The following OCRL variants were observed in gnomAD, a reference collection of about 807,000 sequenced individuals.
OCRL encodes the protein OCRL inositol polyphosphate-5-phosphatase, also known as inositol polyphosphate 5-phosphatase OCRL.
OCRL carries 8 observed loss-of-function variants against 78.9 expected under a neutral mutation model. That is an observed-to-expected ratio of 0.10 (90% CI 0.06 to 0.18). The LOEUF (loss-of-function observed/expected upper bound fraction) is 0.18, where lower values mean the gene tolerates loss of function less well. Among genes scored for constraint, OCRL ranks in the 10% least tolerant of loss-of-function variants. The pLI, the probability that OCRL is intolerant of heterozygous loss-of-function variation, is 1.00. For synonymous variants in OCRL, 240 were observed against 235.4 expected (o/e 1.02, Z -0.18); for missense variants, 454 against 696.7 (o/e 0.65, Z 3.92).
At position 129,562,478 on chromosome X, in the gene OCRL, G is replaced by C; in HGVS notation, c.1034G>C (p.Gly345Ala). The C allele has an allele frequency of 8.3e-7, 1 of 1,205,330 alleles. No homozygotes were observed. Among genetic ancestry groups the C allele is most frequent in the Non-Finnish European group, 1.1e-6 (1 of 889,569 alleles). Residue 345 changes from glycine (G) to alanine (A), a missense_variant, in exon 11 of 24, where the codon GGA (glycine) becomes GCA (alanine). Physicochemically the swap from Gly to Ala is moderately conservative, Grantham distance 60. Transcript: ENST00000371113. ...CGTGATATTGCTACAGAAACAGTTG[G>C]AACTGGAATCATGGGGAAAATGGTG... ...YIRDIATETVGTGIMGKMGNK... is the reference protein window; with the variant it reads ...YIRDIATETVATGIMGKMGNK...
Position 129,562,798 on chromosome X carries a change from A to G in OCRL, c.1244+12A>G. ...ATCATGAAACATGAGTAAGTGGTTA[A>G]CTCACCTGTAGCCTTTGAGTAGTGG... On this transcript the variant is annotated intron_variant, in intron 12 of 23. Transcript: ENST00000371113. 1 of 1,203,303 alleles carries G rather than the reference A, an allele frequency of 8.3e-7. No individual in the cohort carries two copies. The highest frequency in any genetic ancestry group is 1.7e-5 in the African/African-American group (1 of 57,578).
chrX:129,577,435 G>T (rs1162134698), intron 18 of OCRL, among the ~76,000 whole-genome samples: 1 of 112,236 alleles, frequency 8.9e-6, no homozygotes, highest in East Asian at 2.8e-4. Context: ...TTGTTGGATT[G>T]TATGCAGAAT....
At chrX:129,570,293 G>A (rs1288657248) in intron 15 of OCRL, among the ~76,000 whole-genome samples, 2 of 111,805 alleles carry the variant, frequency 1.8e-5, no homozygotes, top group Non-Finnish European at 3.8e-5. Flanking sequence ...ATTTGCATCC[G>A]AGTTCAACCA....
Position 129,590,581 on chromosome X carries a change from A to G in OCRL, c.*311A>G. The G allele has an allele frequency of 7.0e-6, 2 of 284,563 alleles. No homozygotes were observed. Among genetic ancestry groups the G allele is most frequent in the East Asian group, 8.5e-5 (1 of 11,798 alleles). 23.5% of individuals were successfully genotyped at this position (284,563 alleles called of 1,213,427 possible). The stretch of plus-strand genomic sequence containing the variant: ...TTTGTTGCCCTCCTACCCAATTGTC[A>G]TGATTGTCCTTAGTACCCTAGGCCT... On this transcript the variant is annotated 3_prime_UTR_variant, in exon 24 of 24. Transcript: ENST00000371113.
At chrX:129,582,928 C>T (rs1034563391) in intron 18 of OCRL, among the ~76,000 whole-genome samples, 9 of 111,492 alleles carry the variant, frequency 8.1e-5, no homozygotes, top group Non-Finnish European at 1.5e-4. Context: ...GGGATTTCTC[C>T]TTTTACCTAG....
intron 3 of OCRL, among the ~76,000 whole-genome samples, chrX:129,546,452 A>G (rs902907945): frequency 7.1e-5 from 8 of 112,732 alleles, no homozygotes; most frequent in Non-Finnish European, 1.3e-4. Context: ...ATGTATTCCT[A>G]TAAGTGAAAA....
rs1013678072 is a variant in OCRL, at chrX:129,571,230, T to C, written c.1602+1831T>C. Among the ~76,000 whole-genome samples the C allele has an allele frequency of 2.7e-5, 3 of 111,850 alleles. No individual in the cohort carries two copies. In the South Asian group the frequency reaches 1.1e-3, roughly 42 times the overall value. ...CCCTTTTTCTTCATTTGAATTCTCT[T>C]AATCCATTTTGAGAGGGTATCTTTC... On this transcript the variant is annotated intron_variant, in intron 15 of 23. Transcript: ENST00000371113.
intron 19 of OCRL, 149 bp from the exon 20 acceptor site, chrX:129,586,853 C>A (rs1936517313): frequency 1.2e-5 from 7 of 563,667 alleles, no homozygotes; most frequent in Admixed American, 2.2e-5. Context: ...GCCTTCTGAC[C>A]AGGAGTGTCC....
At chrX:129,578,445 T>G (rs1936399672) in intron 18 of OCRL, among the ~76,000 whole-genome samples, 1 of 104,753 alleles carries the variant, frequency 9.5e-6, no homozygotes, top group African/African-American at 3.6e-5. Flanking sequence ...TGTTTCCTTC[T>G]TGTTTTTTTT....
rs749668943 is a variant in OCRL, at chrX:129,542,471, A to C, written c.119+1648A>C. On this transcript the variant is annotated intron_variant, in intron 2 of 23. Coordinates refer to ENST00000371113, the MANE Select transcript of OCRL (RefSeq NM_000276.4). ...CATATAAACTATAGTTTATATATAAACTAACATATAACTAACAACTAATAT... is the reference window on the plus strand; with the variant it reads ...CATATAAACTATAGTTTATATATAACCTAACATATAACTAACAACTAATAT... Among the ~76,000 whole-genome samples the C allele has an allele frequency of 3.6e-5, 4 of 110,758 alleles. No homozygotes were observed. In the South Asian group the frequency reaches 1.5e-3, roughly 42 times the overall value.
chrX:129,541,732 A>G lies in OCRL; in HGVS notation c.119+909A>G, dbSNP rs770322372. On this transcript the variant is annotated intron_variant, in intron 2 of 23. Transcript: ENST00000371113. ...TTCACTTAAATCTTGCCATCTCCCA[A>G]CATTGGCTTCTGCCTAAAACCAATT... is the stretch of plus-strand genomic sequence containing the variant. 4.5e-5 allele frequency among the ~76,000 whole-genome samples: 5 copies of G among 112,053 alleles called. No homozygotes were observed. The South Asian group carries it at 1.9e-3, about 42-fold the overall frequency.
At chrX:129,550,780 C>T (rs566678377) in intron 4 of OCRL, among the ~76,000 whole-genome samples, 1 of 110,621 alleles carries the variant, frequency 9.0e-6, no homozygotes, top group African/African-American at 3.3e-5. Context: ...ATAATTTTGT[C>T]TCTTTTCTAG....
At chrX:129,548,795 T>C (rs1039852418) in intron 4 of OCRL, among the ~76,000 whole-genome samples, 194 bp downstream of exon 4, 2 of 112,233 alleles carry the variant, frequency 1.8e-5, no homozygotes, top group Admixed American at 9.4e-5. Flanking sequence ...AGGTGGCTGG[T>C]AAGAATCTTT....
At chrX:129,589,822 C>T in intron 22 of OCRL, 23 bp from the exon 23 acceptor site, 1 of 1,077,952 alleles carries the variant, frequency 9.3e-7, no homozygotes, top group Non-Finnish European at 1.3e-6. Flanking sequence ...TTTCTCACTG[C>T]CTGCCCCTAT....
rs981776806 is a variant in OCRL, at chrX:129,591,317, T to G, written c.*1047T>G. 1 of 112,094 alleles carries G rather than the reference T, an allele frequency of 8.9e-6. No individual in the cohort carries two copies. The highest frequency in any genetic ancestry group is 9.5e-5 in the Admixed American group (1 of 10,536). The allele number at this position is 112,094 out of a possible 1,213,427, so 9.2% of individuals were successfully genotyped here. A position where few individuals can be genotyped will look rare whatever the true frequency, so the allele number is the denominator to read the frequency against. ...CCTCCTTCCTCAGCAGGACTGACTC[T>G]GGGCTCTACAACCAGCTCCTTCACA... On this transcript the variant is annotated 3_prime_UTR_variant, in exon 24 of 24. Coordinates refer to ENST00000371113, the MANE Select transcript of OCRL (RefSeq NM_000276.4).
chrX:129,557,740 G>T (rs1936079110), intron 5 of OCRL, 121 bp from the exon 6 acceptor site: 4 of 590,058 alleles, frequency 6.8e-6, no homozygotes, highest in South Asian at 2.2e-5. Flanking sequence ...TTCTTCCACT[G>T]TATCCAAAAA....
chrX:129,576,725 AGG>A (rs2076091560), intron 18 of OCRL, among the ~76,000 whole-genome samples, 173 bp downstream of exon 18: 2 of 112,105 alleles, frequency 1.8e-5, no homozygotes, highest in Admixed American at 9.5e-5. Flanking sequence ...AAGGGGAAAG[AGG>A]GGGGACTAAT....
intron 3 of OCRL, 78 bp from the exon 4 acceptor site, chrX:129,548,484 TA>T (rs1935918741): frequency 1.4e-6 from 1 of 729,413 alleles, no homozygotes; most frequent in South Asian, 2.1e-5. Context: ...AGCAGTTATT[TA>T]GTTAGGCATG....
At chrX:129,562,335 C>A in intron 10 of OCRL, 49 bp from the exon 11 acceptor site, 1 of 956,503 alleles carries the variant, frequency 1.0e-6, no homozygotes, top group Non-Finnish European at 1.5e-6. Flanking sequence ...AGAAATGTGG[C>A]AAAGATTGGT....
Sources: gnomAD v4.1 joint callset for allele counts (sites outside exome capture counted in the v4.1 genomes callset) on GRCh38, gnomAD v4.1.1 for gene constraint, MANE v1.5 for transcripts, NCBI Gene and HGNC (gene_info 2026-07-23, HGNC 2026-07-21) for gene names.